AVEN: variants seen among roughly 807,000 people sequenced by gnomAD.
The protein encoded by AVEN is apoptosis and caspase activation inhibitor, also known as cell death regulator Aven.
AVEN carries 41 observed loss-of-function variants against 38.1 expected under a neutral mutation model. The observed-to-expected ratio is 1.08, with a 90% CI of 0.84 to 1.40. The LOEUF is 1.40. AVEN is among the 40% of genes most tolerant of loss of function. AVEN has a pLI of 0.00. For synonymous variants in AVEN, 206 were observed against 171.8 expected (o/e 1.20, Z -1.56); for missense variants, 605 against 438.8 (o/e 1.38, Z -3.38).
At chr15:33,990,304 C>T (rs1318263090) in intron 2 of AVEN, among the ~76,000 whole-genome samples, 2 of 152,026 alleles carry the variant, frequency 1.3e-5, no homozygotes, top group Non-Finnish European at 2.9e-5. Flanking sequence ...ATCGCTAGAA[C>T]CTGGGAGGCA....
intron 1 of AVEN, among the ~76,000 whole-genome samples, chr15:34,026,085 A>G (rs553086242): frequency 4.6e-5 from 7 of 152,302 alleles, no homozygotes; most frequent in East Asian, 3.9e-4. Flanking sequence ...CATAATCCCT[A>G]TATTTTCTCT....
At chr15:33,910,025 G>C (rs1892860385) in intron 2 of AVEN, among the ~76,000 whole-genome samples, 1 of 151,884 alleles carries the variant, frequency 6.6e-6, no homozygotes, top group African/African-American at 2.4e-5. Context: ...CTACTCGGGA[G>C]GCTGAGGCAG....
At chr15:33,886,202 C>T (rs1164550464) in intron 2 of AVEN, among the ~76,000 whole-genome samples, 2 of 152,128 alleles carry the variant, frequency 1.3e-5, no homozygotes, top group Non-Finnish European at 2.9e-5. Flanking sequence ...TTGTAGTTCC[C>T]ATAATCCCCA....
intron 2 of AVEN, among the ~76,000 whole-genome samples, chr15:33,989,060 GT>G (rs11301790): frequency 0.99 from 151,045 of 152,176 alleles, 74,973 homozygotes; most frequent in Middle Eastern, 1. Flanking sequence ...CATAAATCCT[GT>G]TTTTTCTTAT....
At chr15:33,920,168 G>T (rs1416402625) in intron 2 of AVEN, among the ~76,000 whole-genome samples, 1 of 152,060 alleles carries the variant, frequency 6.6e-6, no homozygotes, top group African/African-American at 2.4e-5. Flanking sequence ...ATGCAGATTT[G>T]TCCTACAATC....
intron 2 of AVEN, among the ~76,000 whole-genome samples, chr15:33,932,946 ACAC>A (rs1159143693): frequency 6.6e-6 from 1 of 152,162 alleles, no homozygotes; most frequent in Admixed American, 6.5e-5. Flanking sequence ...AAATAATAGA[ACAC>A]AACACTGCAT....
intron 1 of AVEN, chr15:34,007,161 G>T: frequency 2.2e-6 from 1 of 449,374 alleles, no homozygotes; most frequent in Non-Finnish European, 2.9e-6. Flanking sequence ...CTTGTCCAAT[G>T]ACACACACAC....
At chr15:33,973,337 GT>G (rs1233443927) in intron 2 of AVEN, among the ~76,000 whole-genome samples, 1 of 152,188 alleles carries the variant, frequency 6.6e-6, no homozygotes, top group Non-Finnish European at 1.5e-5. Context: ...CTAGAAAGCT[GT>G]TGGTGTAAAT....
intron 5 of AVEN, among the ~76,000 whole-genome samples, chr15:34,047,202 C>A (rs1371475405): frequency 6.6e-6 from 1 of 151,966 alleles, no homozygotes; most frequent in Non-Finnish European, 1.5e-5. Flanking sequence ...CTCAGCCTCC[C>A]GAGTAGCTGG....
At chr15:33,984,316 C>A (rs1767816896) in intron 2 of AVEN, among the ~76,000 whole-genome samples, 1 of 151,852 alleles carries the variant, frequency 6.6e-6, no homozygotes, top group South Asian at 2.1e-4. Flanking sequence ...AGTAATTGGA[C>A]CTTAATGTCA....
intron 2 of AVEN, chr15:33,991,656 C>G (rs537250505): frequency 1.3e-5 from 2 of 152,150 alleles, no homozygotes; most frequent in African/African-American, 2.4e-5. Context: ...AATGGATACA[C>G]TTTATCAGTA....
At chr15:33,924,764 T>C (rs1893549527) in intron 2 of AVEN, among the ~76,000 whole-genome samples, 1 of 152,218 alleles carries the variant, frequency 6.6e-6, no homozygotes, top group Non-Finnish European at 1.5e-5. Context: ...AGTACCTTCT[T>C]GCTTCAACTG....
rs1489024784 is a variant in AVEN at position 33,875,825 on chromosome 15, A to C, written c.516+100T>G. On this transcript the variant is annotated intron_variant, in intron 3 of 5. Transcript: ENST00000306730. ...CTGAGGGTACACTGTAAGAATTACT[A>C]CTCTTTTCTACATGAAGACTCTATC... 9 of 1,155,632 alleles carry C rather than the reference A, an allele frequency of 7.8e-6. No individual in the cohort carries two copies. In the East Asian group the frequency reaches 2.2e-4, roughly 28 times the overall value. The allele number at this position is 1,155,632 out of a possible 1,614,324, so 71.6% of individuals were successfully genotyped here.
chr15:33,932,607 A>G (rs1893890085), intron 2 of AVEN, among the ~76,000 whole-genome samples: 1 of 152,138 alleles, frequency 6.6e-6, no homozygotes, highest in Admixed American at 6.6e-5. Flanking sequence ...TGGAGGGATC[A>G]TGAGGTCAGG....
rs76096457 is a variant in AVEN at position 33,938,540 on chromosome 15, T to C, written c.446-62545A>G. Among the ~76,000 whole-genome samples the C allele has an allele frequency of 1.6e-3, 243 of 152,248 alleles. 3 individuals are homozygous for C. Among genetic ancestry groups the C allele is most frequent in the East Asian group, 0.013 (65 of 5,176 alleles). On this transcript the variant is annotated intron_variant, in intron 2 of 5. Coordinates refer to ENST00000306730, the MANE Select transcript of AVEN (RefSeq NM_020371.3). ...CACAGACAAAGTAAAAAACAGGCCA[T>C]TGACTGGGAGAAAAATATTTGCATA... is the stretch of plus-strand genomic sequence containing the variant.
intron 2 of AVEN, among the ~76,000 whole-genome samples, chr15:33,923,769 A>C (rs1259506575): frequency 6.6e-6 from 1 of 151,914 alleles, no homozygotes; most frequent in African/African-American, 2.4e-5. Context: ...GAGAGTGAGC[A>C]AAGCTTCATC....
intron 1 of AVEN, among the ~76,000 whole-genome samples, chr15:34,008,416 T>A (rs1300194844): frequency 1.3e-5 from 2 of 148,790 alleles, no homozygotes; most frequent in African/African-American, 2.5e-5. Context: ...CAAGACCGTG[T>A]CTCTTAAAAA....
intron 5 of AVEN, among the ~76,000 whole-genome samples, chr15:34,060,367 T>C (rs1177905534): frequency 6.6e-6 from 1 of 152,068 alleles, no homozygotes; most frequent in Non-Finnish European, 1.5e-5. Flanking sequence ...CAAGACAATA[T>C]CATCAACTCG....
chr15:33,996,797 G>A (rs1252637842), intron 2 of AVEN, among the ~76,000 whole-genome samples: 1 of 152,190 alleles, frequency 6.6e-6, no homozygotes, highest in Non-Finnish European at 1.5e-5. Context: ...AGCGCCTCTT[G>A]TCCTCCAAAG....
Sources: gnomAD v4.1 joint callset for allele counts (sites outside exome capture counted in the v4.1 genomes callset) on GRCh38, gnomAD v4.1.1 for gene constraint, MANE v1.5 for transcripts, NCBI Gene and HGNC (gene_info 2026-07-23, HGNC 2026-07-21) for gene names.